ABCA8: variants seen among roughly 807,000 people sequenced by gnomAD.
ABCA8 encodes ATP binding cassette subfamily A member 8.
ABCA8 carries 177 observed loss-of-function variants against 192.3 expected under a neutral mutation model. The ratio of observed to expected loss-of-function variants is 0.92; its 90% confidence interval spans 0.81 to 1.04. ABCA8 has a LOEUF of 1.04. Among genes scored for constraint, ABCA8 ranks in the 50% least tolerant of loss-of-function variants. ABCA8 has a pLI of 0.00. For missense variants in ABCA8, 1,915 were observed against 1,904.8 expected (o/e 1.01, Z -0.10); for synonymous variants, 642 against 690.2 (o/e 0.93, Z 1.09).
At chr17:68,917,639 C>T (rs192853859) in intron 16 of ABCA8, among the ~76,000 whole-genome samples, 188 bp from the exon 17 acceptor site, 7 of 152,254 alleles carry the variant, frequency 4.6e-5, no homozygotes, top group African/African-American at 1.2e-4. Flanking sequence ...TTTTGCAATC[C>T]ATCCCATCAG....
Position 68,929,089 on chromosome 17 carries a change from C to G in ABCA8, c.1085G>C (p.Ser362Thr), listed in dbSNP as rs147035333. 7 of 1,599,740 alleles carry G rather than the reference C, an allele frequency of 4.4e-6. No individual in the cohort carries two copies. In the African/African-American group the frequency reaches 9.4e-5, roughly 21 times the overall value. ...HLPASLEWIL[S>T]LLSPFAFMLG... Reference sequence around the variant, plus strand: ...CATGAAGGCAAAGGGACTAAGCAAGCTTAAAATCCACTCCAAGGATGCAGG... The same window carrying G: ...CATGAAGGCAAAGGGACTAAGCAAGGTTAAAATCCACTCCAAGGATGCAGG... The change falls in exon 9 of 40, where the codon AGC becomes ACC. Residue 362 changes from serine to threonine, a missense_variant. Transcript: ENST00000586539.
At position 68,868,150 on chromosome 17, in the gene ABCA8, C is replaced by T; in HGVS notation, c.4801G>A (p.Gly1601Ser). ...FLELSKEQEL[G>S]DFEEDFDPSV... ...GGATCAAAATCCTCCTCAAAATCAC[C>T]CAGCTCCTGCTCCTTGGAGAGCTCC... Residue 1601 changes from glycine (G) to serine (S), a missense_variant, in exon 40 of 40, where the codon GGT becomes AGT. By Grantham distance (56) the Gly-to-Ser change is moderately conservative (BLOSUM62 0). Transcript: ENST00000586539. 1 of 1,613,142 alleles carries T rather than the reference C, an allele frequency of 6.2e-7. No individual in the cohort carries two copies. Among genetic ancestry groups the T allele is most frequent in the Non-Finnish European group, 8.5e-7 (1 of 1,179,540 alleles).
In ABCA8 at chr17:68,933,189, G is replaced by A. The variant is rs755724104; in HGVS notation, c.549C>T (p.Ala183=). The A allele has an allele frequency of 7.4e-6, 12 of 1,611,528 alleles. No individual in the cohort carries two copies. In the South Asian group the frequency reaches 1.1e-4, roughly 15 times the overall value. Residue 183 remains alanine (A), a synonymous_variant, in exon 6 of 40, where the codon GCC becomes GCT. Coordinates refer to ENST00000586539, the MANE Select transcript of ABCA8 (RefSeq NM_001288985.2). ...WKEGFVALQA[A]INAAIIEITT... ...TCACTTCTATAATAGCAGCATTAAT[G>A]GCAGCTTGAAGAGCCACAAAACCTT...
chr17:68,892,641 GA>G (rs902546651), intron 23 of ABCA8, among the ~76,000 whole-genome samples: 1 of 152,150 alleles, frequency 6.6e-6, no homozygotes, highest in African/African-American at 2.4e-5. Flanking sequence ...TCAGAAACCA[GA>G]AAATTAAAAG....
At chr17:68,872,951 T>C (rs1354203413) in intron 37 of ABCA8, among the ~76,000 whole-genome samples, 2 of 152,196 alleles carry the variant, frequency 1.3e-5, no homozygotes, top group Non-Finnish European at 2.9e-5. Context: ...ATTTTAGAAG[T>C]TTATAAAGTT....
At chr17:68,939,370 A>G (rs764113760) in intron 4 of ABCA8, among the ~76,000 whole-genome samples, 5 of 152,030 alleles carry the variant, frequency 3.3e-5, no homozygotes, top group South Asian at 4.1e-4. Flanking sequence ...TGTGGTTTCA[A>G]TGTGGTTCAT....
intron 11 of ABCA8, among the ~76,000 whole-genome samples, chr17:68,923,741 T>G (rs983202838): frequency 2.0e-5 from 3 of 152,172 alleles, no homozygotes; most frequent in Non-Finnish European, 4.4e-5. Context: ...TGAAATGGGC[T>G]CCTTAGAAGT....
At chr17:68,936,744 A>C (rs2068077958) in intron 5 of ABCA8, among the ~76,000 whole-genome samples, 1 of 152,026 alleles carries the variant, frequency 6.6e-6, no homozygotes, top group South Asian at 2.1e-4. Flanking sequence ...TATCTATGTA[A>C]ATGTATGTAG....
At position 68,906,075 on chromosome 17, in the gene ABCA8, C is replaced by A. The variant is rs890759503; in HGVS notation, c.2367G>T (p.Lys789Asn). 2.5e-6 allele frequency: 4 copies of A among 1,596,180 alleles called. No homozygotes were observed. In the East Asian group the frequency reaches 6.8e-5, roughly 27 times the overall value. ...SMTTLNEVFL[K>N]LEGKSTINES... ...CATTAATTGTAGATTTTCCTTCTAG[C>A]TTCAGGAATACTTCATTCAAAGTTG... is the stretch of plus-strand genomic sequence containing the variant. The change falls in exon 19 of 40, where the codon AAG (lysine) becomes AAT (asparagine). Residue 789 changes from lysine (K) to asparagine (N), a missense_variant. Transcript: ENST00000586539.
Position 68,894,874 on chromosome 17 carries a change from G to T in ABCA8, c.2898+6C>A. On this transcript the variant is annotated splice_donor_region_variant and intron_variant, in intron 22 of 39. Coordinates refer to ENST00000586539, the MANE Select transcript of ABCA8 (RefSeq NM_001288985.2). ...TTTTCAGAAAGATTATTAGAGACCT[G>T]CATACCTTTTCATTACAACACACTG... 6.2e-7 allele frequency: 1 copy of T among 1,610,838 alleles called. No individual in the cohort carries two copies. Among genetic ancestry groups the T allele is most frequent in the Non-Finnish European group, 8.5e-7 (1 of 1,178,730 alleles).
chr17:68,891,597 C>A lies in ABCA8; in HGVS notation c.3037-1G>T, dbSNP rs749047940. On this transcript the variant is annotated splice_acceptor_variant, in intron 23 of 39. Transcript: ENST00000586539. LOFTEE classifies it high-confidence loss of function. ...ATCCGATTGGATTGTCCTGTCCATTCTGAAAAACCCAAAGAATACAATGAA... is the reference window on the plus strand; with the variant it reads ...ATCCGATTGGATTGTCCTGTCCATTATGAAAAACCCAAAGAATACAATGAA... The A allele has an allele frequency of 6.2e-7, 1 of 1,600,398 alleles. No homozygotes were observed. Among genetic ancestry groups the A allele is most frequent in the Non-Finnish European group, 8.5e-7 (1 of 1,172,382 alleles).
At chr17:68,917,516 G>T in intron 16 of ABCA8, 65 bp from the exon 17 acceptor site, 2 of 1,167,118 alleles carry the variant, frequency 1.7e-6, no homozygotes, top group South Asian at 1.4e-5. Flanking sequence ...TCCAAGAAAA[G>T]ACAGGTAATC....
intron 1 of ABCA8, among the ~76,000 whole-genome samples, chr17:68,954,182 C>T (rs2068649685): frequency 8.9e-6 from 1 of 112,604 alleles, no homozygotes; most frequent in Non-Finnish European, 1.8e-5. Context: ...GCTATCCCTC[C>T]CCCCTCCCCC....
intron 19 of ABCA8, among the ~76,000 whole-genome samples, chr17:68,904,301 AATAATAATAATAAT>A (rs2067005220): frequency 1.3e-4 from 1 of 7,422 alleles, no homozygotes; most frequent in Non-Finnish European, 2.7e-4. Flanking sequence ...AAATAATAAT[AATAATAATAATAAT>A]AATAATAATA....
chr17:68,900,538 C>CAAAAA (rs35696026), intron 21 of ABCA8, among the ~76,000 whole-genome samples: 10 of 108,872 alleles, frequency 9.2e-5, no homozygotes, highest in African/African-American at 1.4e-4. Flanking sequence ...CACAAAGTCT[C>CAAAAA]AAAAAAAAAA....
At chr17:68,888,834 A>C (rs1001259051) in intron 24 of ABCA8, among the ~76,000 whole-genome samples, 5 of 152,154 alleles carry the variant, frequency 3.3e-5, no homozygotes, top group African/African-American at 1.2e-4. Flanking sequence ...GAAGCCATAG[A>C]GCTAGATGGG....
At chr17:68,952,437 C>G (rs1033424844) in intron 1 of ABCA8, among the ~76,000 whole-genome samples, 1 of 152,150 alleles carries the variant, frequency 6.6e-6, no homozygotes, top group African/African-American at 2.4e-5. Context: ...CTCGGATGGT[C>G]TCGATCTCCT....
At chr17:68,914,161 A>G (rs2067293300) in intron 17 of ABCA8, among the ~76,000 whole-genome samples, 1 of 152,166 alleles carries the variant, frequency 6.6e-6, no homozygotes, top group Non-Finnish European at 1.5e-5. Context: ...TCAACAAAAT[A>G]AAAGCCATAT....
intron 37 of ABCA8, among the ~76,000 whole-genome samples, chr17:68,873,813 C>A (rs150082482): frequency 1.3e-5 from 2 of 152,210 alleles, no homozygotes; most frequent in African/African-American, 2.4e-5. Context: ...ACTATCCCTT[C>A]CCCATCATGT....
Sources: gnomAD v4.1 joint callset for allele counts (sites outside exome capture counted in the v4.1 genomes callset) on GRCh38, gnomAD v4.1.1 for gene constraint, MANE v1.5 for transcripts, NCBI Gene and HGNC (gene_info 2026-07-23, HGNC 2026-07-21) for gene names.